PLEKHG3: variants seen among roughly 807,000 people sequenced by gnomAD.
PLEKHG3 encodes pleckstrin homology domain-containing family G member 3.
Under a neutral mutation model 94.9 loss-of-function variants are expected in PLEKHG3, and 62 were observed. That is an observed-to-expected ratio of 0.65 (90% CI 0.53 to 0.81). PLEKHG3 has a LOEUF of 0.81. Ranked by LOEUF, PLEKHG3 falls within the 30% of genes least tolerant of loss-of-function variation. The pLI, the probability that PLEKHG3 is intolerant of heterozygous loss-of-function variation, is 0.00. For synonymous variants in PLEKHG3, 614 were observed against 654.0 expected (o/e 0.94, Z 0.93); for missense variants, 1,461 against 1,619.3 (o/e 0.90, Z 1.68).
chr14:64,706,436 C>T (rs1044500527), intron 1 of PLEKHG3, among the ~76,000 whole-genome samples: 1 of 152,204 alleles, frequency 6.6e-6, no homozygotes, highest in African/African-American at 2.4e-5. Context: ...ACTCAGTTTC[C>T]ACATAAATAA....
intron 1 of PLEKHG3, among the ~76,000 whole-genome samples, chr14:64,709,231 C>T (rs1284473773): frequency 6.6e-6 from 1 of 152,120 alleles, no homozygotes; most frequent in Non-Finnish European, 1.5e-5. Flanking sequence ...GTGGTCCCAC[C>T]CTTAGAGTAA....
chr14:64,749,786 C>T lies in PLEKHG3; in HGVS notation c.*6083C>T, dbSNP rs969097756. The T allele has an allele frequency of 3.0e-5, 47 of 1,546,352 alleles. No homozygotes were observed. In the South Asian group the frequency reaches 5.1e-4, roughly 17 times the overall value. ...GCTCTGATCCCACAATACCCTGAGC[C>T]GAACATCCAGACCCCTCTCAGGCAG... On this transcript the variant is annotated 3_prime_UTR_variant, in exon 17 of 17. Coordinates refer to ENST00000247226, the MANE Select transcript of PLEKHG3 (RefSeq NM_001308147.2). This position sits in a 1 kb window ranked among gnomAD's most constrained non-coding sequence, Gnocchi z 4.7.
chr14:64,731,663 T>C lies in PLEKHG3; in HGVS notation c.1033-51T>C. 6.6e-7 allele frequency: 1 copy of C among 1,525,450 alleles called. No individual in the cohort carries two copies. The highest frequency in any genetic ancestry group is 9.1e-7 in the Non-Finnish European group (1 of 1,099,492). 94.5% of individuals were successfully genotyped at this position (1,525,450 alleles called of 1,614,324 possible). A position where few individuals can be genotyped will look rare whatever the true frequency, so the allele number is the denominator to read the frequency against. ...ACCCTTCTGAGATCACCCTCCCTGCTTCCCCAGGCTGTCAACCTTGTGCTT... is the reference window on the plus strand; with the variant it reads ...ACCCTTCTGAGATCACCCTCCCTGCCTCCCCAGGCTGTCAACCTTGTGCTT... On this transcript the variant is annotated intron_variant, in intron 8 of 16. Transcript: ENST00000247226. This position sits in a 1 kb window ranked among gnomAD's most constrained non-coding sequence, Gnocchi z 6.1.
chr14:64,734,856 G>T (rs1431205591), intron 12 of PLEKHG3, among the ~76,000 whole-genome samples: 1 of 151,778 alleles, frequency 6.6e-6, no homozygotes, highest in African/African-American at 2.4e-5. Flanking sequence ...GAGTAGCTGG[G>T]ATTACAGGCA....
intron 1 of PLEKHG3, among the ~76,000 whole-genome samples, chr14:64,719,779 A>G (rs533444086): frequency 1.3e-5 from 2 of 152,226 alleles, no homozygotes; most frequent in South Asian, 2.1e-4. Flanking sequence ...TAGAGGCCTC[A>G]AAACAAGCAG....
chr14:64,724,099 A>G (rs2081311283), intron 1 of PLEKHG3, among the ~76,000 whole-genome samples: 1 of 151,738 alleles, frequency 6.6e-6, no homozygotes, highest in Admixed American at 6.6e-5. Flanking sequence ...CTCTTCAGGT[A>G]GGAAGGAAAG....
Position 64,714,706 on chromosome 14 carries a change from C to T in PLEKHG3, c.-40+10002C>T, listed in dbSNP as rs149229212. ...AAGCTTTCTTCTGGGCTGGGTATGA[C>T]CAGGCAGCGGAGAGGAGGTGAACAG... On this transcript the variant is annotated intron_variant, in intron 1 of 16. Coordinates refer to ENST00000247226, the MANE Select transcript of PLEKHG3 (RefSeq NM_001308147.2). 1.2e-3 allele frequency among the ~76,000 whole-genome samples: 186 copies of T among 152,254 alleles called. 1 individual carries two copies. Among genetic ancestry groups the T allele is most frequent in the African/African-American group, 3.9e-3 (164 of 41,532 alleles).
At position 64,730,388 on chromosome 14, in the gene PLEKHG3, G is replaced by A. The variant is rs2081435570; in HGVS notation, c.519+76G>A. On this transcript the variant is annotated intron_variant, in intron 4 of 16. Coordinates refer to ENST00000247226, the MANE Select transcript of PLEKHG3 (RefSeq NM_001308147.2). This position sits in a 1 kb window ranked among gnomAD's most constrained non-coding sequence, Gnocchi z 5.4. ...GAGACAAGAACTGCCAGCATAAGAGGACATCTGAGTCCTGGGGATTCCTTT... is the reference window on the plus strand; with the variant it reads ...GAGACAAGAACTGCCAGCATAAGAGAACATCTGAGTCCTGGGGATTCCTTT... 3 of 972,648 alleles carry A rather than the reference G, an allele frequency of 3.1e-6. No individual in the cohort carries two copies. The highest frequency in any genetic ancestry group is 4.7e-6 in the Non-Finnish European group (3 of 632,688). The allele number at this position is 972,648 out of a possible 1,614,324, so 60.3% of individuals were successfully genotyped here.
chr14:64,711,846 G>T (rs957121710), intron 1 of PLEKHG3, among the ~76,000 whole-genome samples: 3 of 152,198 alleles, frequency 2.0e-5, no homozygotes, highest in African/African-American at 7.2e-5. Flanking sequence ...AAATTTTGAT[G>T]ATGAAGTACA....
At position 64,741,480 on chromosome 14, in the gene PLEKHG3, G is replaced by T. The variant is rs201054155; in HGVS notation, c.1963G>T (p.Gly655Cys). 239 of 1,612,734 alleles carry T rather than the reference G, an allele frequency of 1.5e-4. 1 individual carries two copies. The South Asian group carries it at 2.5e-3, about 17-fold the overall frequency. ...CAGCGAGAAGGGCCTGGCCCGGCAT[G>T]GCAGTGCCACAGACTCCCTCAGCTG... Reference protein sequence around the residue: ...EGSEKGLARHGSATDSLSCQL... With the variant: ...EGSEKGLARHCSATDSLSCQL... Residue 655 changes from glycine to cysteine, a missense_variant, in exon 16 of 17, where the codon GGC (glycine) becomes TGC (cysteine). Transcript: ENST00000247226.
chr14:64,732,456 C>T lies in PLEKHG3; in HGVS notation c.1242C>T (p.Ser414=). 3 of 1,613,098 alleles carry T rather than the reference C, an allele frequency of 1.9e-6. No homozygotes were observed. Among genetic ancestry groups the T allele is most frequent in the Non-Finnish European group, 8.5e-7 (1 of 1,179,096 alleles). The change falls in exon 11 of 17, where the codon TCC becomes TCT. Residue 414 remains serine (S), a synonymous_variant. Coordinates refer to ENST00000247226, the MANE Select transcript of PLEKHG3 (RefSeq NM_001308147.2). This position sits in a 1 kb window ranked among gnomAD's most constrained non-coding sequence, Gnocchi z 4.9. Reference sequence around the variant, plus strand: ...AGGAAGCCATCTTGGAAATGGATTCCTATTGTAAGTGTACCCTTTTCTGCC... The same window carrying T: ...AGGAAGCCATCTTGGAAATGGATTCTTATTGTAAGTGTACCCTTTTCTGCC... ...KAKEAILEMD[S]YYPNRYRCSP... is the part of the protein sequence containing the mutation.
chr14:64,741,058 G>C lies in PLEKHG3; in HGVS notation c.1541G>C (p.Gly514Ala), dbSNP rs763539600. The part of the protein sequence containing the change: ...LPEVEPDPEA[G>A]SEQEVFSAVE... ...CAGGTTGAGCCGGACCCTGAGGCTG[G>C]GAGTGAGCAAGAGGTATTTTCTGCT... Residue 514 changes from glycine to alanine, a missense_variant, in exon 16 of 17, where the codon GGG becomes GCG. Coordinates refer to ENST00000247226, the MANE Select transcript of PLEKHG3 (RefSeq NM_001308147.2). The C allele has an allele frequency of 6.3e-7, 1 of 1,598,672 alleles. No homozygotes were observed.
rs3063751 is a variant in PLEKHG3 at position 64,717,112 on chromosome 14, CGTGTGTGT to C, written c.-39-10451_-39-10444del. Among the ~76,000 whole-genome samples, 23 of 144,370 alleles carry C rather than the reference CGTGTGTGT, an allele frequency of 1.6e-4. No individual in the cohort carries two copies. Among genetic ancestry groups the C allele is most frequent in the Admixed American group, 8.2e-4 (12 of 14,634 alleles). 94.7% of individuals were successfully genotyped at this position (144,370 alleles called of 152,430 possible). A position where few individuals can be genotyped will look rare whatever the true frequency, so the allele number is the denominator to read the frequency against. On this transcript the variant is annotated intron_variant, in intron 1 of 16. Transcript: ENST00000247226. The surrounding 1 kb of genome is among the most constrained non-coding windows in gnomAD (Gnocchi z 4.7). ...GGCTGGCCGCCTTTGGGAATTTACACGTGTGTGTGTGTGTGTGTGTGTGTGTGTGTGTG... is the reference window on the plus strand; with the variant it reads ...GGCTGGCCGCCTTTGGGAATTTACACGTGTGTGTGTGTGTGTGTGTGTGTG...
Position 64,738,698 on chromosome 14 carries a change from C to A in PLEKHG3, c.1405-44C>A. 1 of 1,346,602 alleles carries A rather than the reference C, an allele frequency of 7.4e-7. No homozygotes were observed. The highest frequency in any genetic ancestry group is 1.0e-6 in the Non-Finnish European group (1 of 959,524). 83.4% of individuals were successfully genotyped at this position (1,346,602 alleles called of 1,614,324 possible). A position where few individuals can be genotyped will look rare whatever the true frequency, so the allele number is the denominator to read the frequency against. Reference sequence around the variant, plus strand: ...CGTGTTGGGATGCAGAAGGGATCAGCTTCCAGTTGTCTTGGAGTTGATGAC... The same window carrying A: ...CGTGTTGGGATGCAGAAGGGATCAGATTCCAGTTGTCTTGGAGTTGATGAC... On this transcript the variant is annotated intron_variant, in intron 14 of 16. Transcript: ENST00000247226. The surrounding 1 kb of genome is among the most constrained non-coding windows in gnomAD (Gnocchi z 4.8).
chr14:64,737,401 T>C lies in PLEKHG3; in HGVS notation c.1404+26T>C, dbSNP rs370121130. The C allele has an allele frequency of 1.5e-5, 23 of 1,555,716 alleles. 1 individual carries two copies. In the Admixed American group the frequency reaches 1.7e-4, roughly 11 times the overall value. Reference sequence around the variant, plus strand: ...GTAAAGGCCAGTGGGAGGAGGGGACTGGCTGACAGAGGAGGGTGGGACTGC... The same window carrying C: ...GTAAAGGCCAGTGGGAGGAGGGGACCGGCTGACAGAGGAGGGTGGGACTGC... On this transcript the variant is annotated intron_variant, in intron 14 of 16. Coordinates refer to ENST00000247226, the MANE Select transcript of PLEKHG3 (RefSeq NM_001308147.2).
rs1483759607 is a variant in PLEKHG3, at chr14:64,723,439, G to A, written c.-39-4154G>A. Among the ~76,000 whole-genome samples, 1 of 152,138 alleles carries A rather than the reference G, an allele frequency of 6.6e-6. No individual in the cohort carries two copies. Among genetic ancestry groups the A allele is most frequent in the Non-Finnish European group, 1.5e-5 (1 of 68,032 alleles). On this transcript the variant is annotated intron_variant, in intron 1 of 16. Transcript: ENST00000247226. This position sits in a 1 kb window ranked among gnomAD's most constrained non-coding sequence, Gnocchi z 4.5. Reference sequence around the variant, plus strand: ...AGGGAGACCCTGCCTCAAAAAAAGAGAAAAGTCTTTGGGGACCTGCTCAAA... The same window carrying A: ...AGGGAGACCCTGCCTCAAAAAAAGAAAAAAGTCTTTGGGGACCTGCTCAAA...
In PLEKHG3 at chr14:64,745,434, C is replaced by T. The variant is rs2081816594; in HGVS notation, c.*1731C>T. On this transcript the variant is annotated 3_prime_UTR_variant, in exon 17 of 17. Transcript: ENST00000247226. The surrounding 1 kb of genome is among the most constrained non-coding windows in gnomAD (Gnocchi z 5.0). The stretch of plus-strand genomic sequence containing the variant: ...ATGGGTCTGCTAAGTCTAACAAGGT[C>T]AAGGGAAGATCAGAGGGACCCAGAT... 6.6e-6 allele frequency: 1 copy of T among 152,260 alleles called. No homozygotes were observed. Among genetic ancestry groups the T allele is most frequent in the African/African-American group, 2.4e-5 (1 of 41,462 alleles). The allele number at this position is 152,260 out of a possible 1,614,324, so 9.4% of individuals were successfully genotyped here.
chr14:64,721,661 G>T lies in PLEKHG3; in HGVS notation c.-39-5932G>T, dbSNP rs2081264269. 6.6e-6 allele frequency among the ~76,000 whole-genome samples: 1 copy of T among 152,208 alleles called. No individual in the cohort carries two copies. The highest frequency in any genetic ancestry group is 6.5e-5 in the Admixed American group (1 of 15,288). ...CATGCACACAAAGTCACTCCCCGGGGAGCCTTCTCTCGCGCTTTATTACGG... is the reference window on the plus strand; with the variant it reads ...CATGCACACAAAGTCACTCCCCGGGTAGCCTTCTCTCGCGCTTTATTACGG... On this transcript the variant is annotated intron_variant, in intron 1 of 16. Transcript: ENST00000247226. The surrounding 1 kb of genome is among the most constrained non-coding windows in gnomAD (Gnocchi z 4.3).
At position 64,742,047 on chromosome 14, in the gene PLEKHG3, G is replaced by A. The variant is rs1397816729; in HGVS notation, c.2530G>A (p.Glu844Lys). 6.2e-7 allele frequency: 1 copy of A among 1,601,312 alleles called. No homozygotes were observed. The highest frequency in any genetic ancestry group is 2.2e-5 in the East Asian group (1 of 44,662). ...CCAGGCCAATGGCTTTGACCTGCATGAGCCACTCTTCATCCTGGAGGAGCA... is the reference window on the plus strand; with the variant it reads ...CCAGGCCAATGGCTTTGACCTGCATAAGCCACTCTTCATCCTGGAGGAGCA... ...QGQANGFDLH[E>K]PLFILEEHEL... The change falls in exon 16 of 17, where the codon GAG (glutamate) becomes AAG (lysine). Residue 844 changes from glutamate (E) to lysine (K), a missense_variant. Physicochemically the swap from Glu to Lys is moderately conservative, Grantham distance 56. This residue lies in a region of PLEKHG3 where 1,201 missense variants were observed against 1,295.5 expected (regional missense o/e 0.93). Coordinates refer to ENST00000247226, the MANE Select transcript of PLEKHG3 (RefSeq NM_001308147.2).
Sources: allele counts gnomAD v4.1 joint callset (sites outside exome capture counted in the v4.1 genomes callset), GRCh38; gene constraint gnomAD v4.1.1; regional missense constraint gnomAD v4.1.1; non-coding constraint Gnocchi (gnomAD v3.1); transcripts MANE v1.5; gene names NCBI Gene and HGNC (gene_info 2026-07-23, HGNC 2026-07-21).